The following SNTG1 variants were observed in gnomAD, a reference collection of about 807,000 sequenced individuals.
SNTG1 encodes the protein syntrophin gamma 1.
SNTG1 carries 39 observed loss-of-function variants against 74.7 expected under a neutral mutation model. The observed-to-expected ratio is 0.52, with a 90% CI of 0.40 to 0.68. SNTG1 has a LOEUF of 0.68. SNTG1 is among the 30% of genes least tolerant of loss of function. The pLI is 0.00. For missense variants in SNTG1, 685 were observed against 609.5 expected, an observed-to-expected ratio of 1.12 and a Z score of -1.30; for synonymous variants, 254 against 217.1, an observed-to-expected ratio of 1.17 and a Z score of -1.49.
chr8:50,483,397 C>T (rs4873149), intron 8 of SNTG1, among the ~76,000 whole-genome samples: 130,452 of 151,940 alleles, frequency 0.86, 56,127 homozygotes, highest in Non-Finnish European at 0.89. Flanking sequence ...TATACACATC[C>T]GTTTTTAAGT....
At chr8:50,340,050 A>T (rs1383675350) in intron 2 of SNTG1, among the ~76,000 whole-genome samples, 1 of 152,040 alleles carries the variant, frequency 6.6e-6, no homozygotes, top group Non-Finnish European at 1.5e-5. Flanking sequence ...AAATCCACAA[A>T]GCTCTGAAGA....
intron 1 of SNTG1, among the ~76,000 whole-genome samples, chr8:50,019,521 T>C (rs1816632608): frequency 6.6e-6 from 1 of 152,128 alleles, no homozygotes; most frequent in Non-Finnish European, 1.5e-5. Context: ...TGTATCTATC[T>C]ATGAAAAATT....
At chr8:50,301,355 C>T (rs1367478820) in intron 2 of SNTG1, among the ~76,000 whole-genome samples, 4 of 152,034 alleles carry the variant, frequency 2.6e-5, no homozygotes, top group Admixed American at 2.6e-4. Context: ...TACTATAACC[C>T]TATAGCAAAA....
At chr8:50,472,394 A>G (rs533785029) in intron 8 of SNTG1, among the ~76,000 whole-genome samples, 95 of 152,188 alleles carry the variant, frequency 6.2e-4, no homozygotes, top group Middle Eastern at 3.2e-3. Flanking sequence ...AACGATTTTA[A>G]ATAACATTTT....
At position 50,242,797 on chromosome 8, in the gene SNTG1, A is replaced by T. The variant is rs933642869; in HGVS notation, c.-28+70162A>T. The stretch of plus-strand genomic sequence containing the variant: ...TATTATCTATTTATATTACCATATT[A>T]TCTATTTAAAGAAAATATAAGCATG... On this transcript the variant is annotated intron_variant, in intron 2 of 18. Coordinates refer to ENST00000642720, the MANE Select transcript of SNTG1 (RefSeq NM_018967.5). Among the ~76,000 whole-genome samples the T allele has an allele frequency of 1.3e-4, 19 of 150,562 alleles. 1 individual carries two copies. Among genetic ancestry groups the T allele is most frequent in the African/African-American group, 4.6e-4 (19 of 41,256 alleles).
chr8:50,190,590 T>C (rs2083536231), intron 2 of SNTG1, among the ~76,000 whole-genome samples: 1 of 152,168 alleles, frequency 6.6e-6, no homozygotes, highest in Admixed American at 6.6e-5. Flanking sequence ...TCTTTTCTAC[T>C]TGAATACCTG....
chr8:50,422,270 A>ATCTAT (rs61696608), intron 4 of SNTG1, among the ~76,000 whole-genome samples: 8,977 of 151,646 alleles, frequency 0.059, 462 homozygotes, highest in African/African-American at 0.14. Context: ...CTATCTATCT[A>ATCTAT]CTATCTATCT....
At chr8:50,486,673 A>G (rs866353105) in intron 8 of SNTG1, among the ~76,000 whole-genome samples, 102 of 149,266 alleles carry the variant, frequency 6.8e-4, no homozygotes, top group South Asian at 1.3e-3. Flanking sequence ...CCTGGCCAGA[A>G]CTTCCAACAC....
chr8:50,384,559 A>G (rs1050858415), intron 2 of SNTG1, among the ~76,000 whole-genome samples: 1 of 152,164 alleles, frequency 6.6e-6, no homozygotes, highest in Non-Finnish European at 1.5e-5. Context: ...ATTATGCCAT[A>G]CTGGGCTCAG....
intron 13 of SNTG1, among the ~76,000 whole-genome samples, chr8:50,626,252 A>G (rs1335560611): frequency 6.6e-6 from 1 of 152,172 alleles, no homozygotes; most frequent in African/African-American, 2.4e-5. Flanking sequence ...TGATGAGAAT[A>G]TTTGTTGCAG....
In SNTG1 at chr8:50,023,862, T is replaced by C. The variant is rs566181502; in HGVS notation, c.-103+111631T>C. Among the ~76,000 whole-genome samples the C allele has an allele frequency of 2.6e-5, 4 of 152,258 alleles. No homozygotes were observed. In the East Asian group the frequency reaches 7.7e-4, roughly 29 times the overall value. ...TAATGATTGACATGAAACAGGAGCC[T>C]CCATCAAGGGTCTTTGTGCCTGAGG... On this transcript the variant is annotated intron_variant, in intron 1 of 18. Coordinates refer to ENST00000642720, the MANE Select transcript of SNTG1 (RefSeq NM_018967.5).
chr8:50,141,480 A>T (rs991364511), intron 1 of SNTG1, among the ~76,000 whole-genome samples: 2 of 152,192 alleles, frequency 1.3e-5, no homozygotes, highest in African/African-American at 4.8e-5. Flanking sequence ...TAATGGTTCA[A>T]ACCTACCTAA....
At chr8:50,532,313 G>A (rs901602600) in intron 10 of SNTG1, among the ~76,000 whole-genome samples, 1 of 152,102 alleles carries the variant, frequency 6.6e-6, no homozygotes, top group African/African-American at 2.4e-5. Flanking sequence ...TTTTTGTTGA[G>A]AACTTACTCT....
At chr8:50,248,638 T>C (rs551665445) in intron 2 of SNTG1, among the ~76,000 whole-genome samples, 14 of 152,294 alleles carry the variant, frequency 9.2e-5, no homozygotes, top group African/African-American at 3.1e-4. Context: ...AATGAGTAAC[T>C]CTATCTCTAT....
At chr8:50,782,776 GT>G (rs1484806067) in intron 18 of SNTG1, among the ~76,000 whole-genome samples, 1 of 152,176 alleles carries the variant, frequency 6.6e-6, no homozygotes, top group East Asian at 1.9e-4. Flanking sequence ...AGGAAGAGAG[GT>G]GCTCCGGTTT....
At chr8:50,721,453 G>A (rs148890499) in intron 17 of SNTG1, among the ~76,000 whole-genome samples, 2 of 152,138 alleles carry the variant, frequency 1.3e-5, no homozygotes, top group African/African-American at 4.8e-5. Flanking sequence ...TCTTAAAATA[G>A]CAGCATTATT....
chr8:50,681,631 T>C (rs2095331302), intron 15 of SNTG1, among the ~76,000 whole-genome samples: 2 of 152,180 alleles, frequency 1.3e-5, no homozygotes, highest in African/African-American at 4.8e-5. Context: ...TGTTGTACTA[T>C]TTTGTAAAAC....
chr8:49,927,031 C>T (rs1807088829), intron 1 of SNTG1, among the ~76,000 whole-genome samples: 1 of 152,054 alleles, frequency 6.6e-6, no homozygotes, highest in African/African-American at 2.4e-5. Context: ...CAAATTAAAA[C>T]AACATTGAGA....
At chr8:50,578,527 G>T (rs543163783) in intron 12 of SNTG1, among the ~76,000 whole-genome samples, 6 of 152,122 alleles carry the variant, frequency 3.9e-5, no homozygotes, top group Admixed American at 3.3e-4. Flanking sequence ...GATATGATTT[G>T]GCCGTGTGCC....
Sources: gnomAD v4.1 joint callset for allele counts (sites outside exome capture counted in the v4.1 genomes callset) on GRCh38, gnomAD v4.1.1 for gene constraint, MANE v1.5 for transcripts, NCBI Gene and HGNC (gene_info 2026-07-23, HGNC 2026-07-21) for gene names.